RFC2: variants seen among roughly 807,000 people sequenced by gnomAD.
The protein encoded by RFC2 is A1 40 kDa subunit.
RFC2 carries 34 observed loss-of-function variants against 44.8 expected under a neutral mutation model. That is an observed-to-expected ratio of 0.76 (90% CI 0.58 to 1.01). RFC2 has a LOEUF of 1.01. Among genes scored for constraint, RFC2 ranks in the 50% least tolerant of loss-of-function variants. The pLI is 0.00. For missense variants in RFC2, 400 were observed against 453.6 expected, an observed-to-expected ratio of 0.88 and a Z score of 1.07; for synonymous variants, 177 against 168.9, an observed-to-expected ratio of 1.05 and a Z score of -0.37.
At chr7:74,250,708 C>T (rs1340237332) in intron 2 of RFC2, among the ~76,000 whole-genome samples, 1 of 152,172 alleles carries the variant, frequency 6.6e-6, no homozygotes, top group Admixed American at 6.6e-5. Flanking sequence ...ATCAATGGGC[C>T]ATTAAGTGGT....
At chr7:74,236,989 A>C (rs567123426) in intron 9 of RFC2, among the ~76,000 whole-genome samples, 4 of 152,204 alleles carry the variant, frequency 2.6e-5, no homozygotes, top group African/African-American at 7.2e-5. Context: ...TAAATAAACA[A>C]ACACAGTGAT....
intron 10 of RFC2, 66 bp from the exon 11 acceptor site, chr7:74,232,282 G>C (rs1802775243): frequency 3.5e-6 from 3 of 863,238 alleles, no homozygotes; most frequent in Non-Finnish European, 5.7e-6. Flanking sequence ...AATCTGAACT[G>C]AAAAAAATAA....
At chr7:74,246,050 G>C (rs1803583870) in intron 5 of RFC2, among the ~76,000 whole-genome samples, 2 of 151,938 alleles carry the variant, frequency 1.3e-5, no homozygotes, top group Non-Finnish European at 2.9e-5. Context: ...CAAAAAATCA[G>C]CTGGGCGTGG....
At chr7:74,246,255 C>T (rs1554719982) in intron 5 of RFC2, among the ~76,000 whole-genome samples, 2 of 149,738 alleles carry the variant, frequency 1.3e-5, no homozygotes, top group African/African-American at 2.5e-5. Context: ...AAAAATTAGC[C>T]GGGTGTGGCG....
chr7:74,243,077 C>T (rs900699124), intron 6 of RFC2, 69 bp downstream of exon 6: 4 of 1,002,272 alleles, frequency 4.0e-6, no homozygotes, highest in Non-Finnish European at 6.3e-6. Context: ...AGGGAGACCA[C>T]ATCTATAAAA....
intron 7 of RFC2, 82 bp from the exon 8 acceptor site, chr7:74,239,070 C>G (rs1158635524): frequency 1.7e-6 from 2 of 1,156,452 alleles, no homozygotes; most frequent in Admixed American, 1.9e-5. Flanking sequence ...GCTATGTTGC[C>G]CAGGCTGGTC....
At chr7:74,240,800 CT>C (rs1490174074) in intron 6 of RFC2, among the ~76,000 whole-genome samples, 2 of 151,766 alleles carry the variant, frequency 1.3e-5, no homozygotes, top group Non-Finnish European at 2.9e-5. Context: ...CAGTTTCTTT[CT>C]TTTTTTTTCA....
Position 74,248,992 on chromosome 7 carries a change from G to GA in RFC2, c.332+19_332+20insT. The GA allele has an allele frequency of 6.4e-7, 1 of 1,571,528 alleles. No individual in the cohort carries two copies. The highest frequency in any genetic ancestry group is 8.8e-7 in the Non-Finnish European group (1 of 1,142,062). On this transcript the variant is annotated intron_variant, in intron 4 of 10. Transcript: ENST00000055077. Reference sequence around the variant, plus strand: ...AATGCAGAGCACCCGCCCCCCTACAGGTCTGACTCTAAGACCTACCTGTCA... The same window carrying GA: ...AATGCAGAGCACCCGCCCCCCTACAGAGTCTGACTCTAAGACCTACCTGTCA...
In RFC2 at chr7:74,239,006, C is replaced by G. The variant is rs781857375; in HGVS notation, c.694-18G>C. ...TTCAGCGCCTGTTCAGGAGCAAACACATGTCAAGGATGATTTTTATATTTA... is the reference window on the plus strand; with the variant it reads ...TTCAGCGCCTGTTCAGGAGCAAACAGATGTCAAGGATGATTTTTATATTTA... On this transcript the variant is annotated intron_variant, in intron 7 of 10. Coordinates refer to ENST00000055077, the MANE Select transcript of RFC2 (RefSeq NM_181471.3). 1 of 1,602,864 alleles carries G rather than the reference C, an allele frequency of 6.2e-7. No individual in the cohort carries two copies. The highest frequency in any genetic ancestry group is 1.1e-5 in the South Asian group (1 of 90,798).
rs143237832 is a variant in RFC2 at position 74,254,291 on chromosome 7, G to A, written c.93C>T (p.Ala31=). 6.2e-7 allele frequency: 1 copy of A among 1,612,562 alleles called. No homozygotes were observed. Among genetic ancestry groups the A allele is most frequent in the Admixed American group, 1.7e-5 (1 of 59,930 alleles). ...APAFSKAPGS[A]GHYELPWVEK... ...CTCACCACGGCAGTTCGTAGTGGCCGGCGCTGCCGGGGGCCTTGCTGAAGG... is the reference window on the plus strand; with the variant it reads ...CTCACCACGGCAGTTCGTAGTGGCCAGCGCTGCCGGGGGCCTTGCTGAAGG... Residue 31 remains alanine, a synonymous_variant, in exon 1 of 11, where the codon GCC becomes GCT. Coordinates refer to ENST00000055077, the MANE Select transcript of RFC2 (RefSeq NM_181471.3).
chr7:74,239,159 G>A (rs1465147090), intron 7 of RFC2, among the ~76,000 whole-genome samples, 171 bp from the exon 8 acceptor site: 2 of 150,264 alleles, frequency 1.3e-5, no homozygotes, highest in East Asian at 3.9e-4. Context: ...ACCGCACCGG[G>A]CCAAGGGTGA....
chr7:74,252,081 AGAGG>A (rs1786991607), intron 2 of RFC2, among the ~76,000 whole-genome samples: 1 of 124,946 alleles, frequency 8.0e-6, no homozygotes, highest in Non-Finnish European at 1.6e-5. Context: ...CCTGGGCGAC[AGAGG>A]GAGGCTCCAT....
At chr7:74,244,796 T>C (rs1554719735) in intron 5 of RFC2, among the ~76,000 whole-genome samples, 1 of 151,566 alleles carries the variant, frequency 6.6e-6, no homozygotes, top group African/African-American at 2.4e-5. Context: ...AGTGAGATCC[T>C]GCCCCTGTGA....
At position 74,245,692 on chromosome 7, in the gene RFC2, G is replaced by A. The variant is rs191510870; in HGVS notation, c.434+970C>T. On this transcript the variant is annotated intron_variant, in intron 5 of 10. Coordinates refer to ENST00000055077, the MANE Select transcript of RFC2 (RefSeq NM_181471.3). ...TGCGCCACTGCACTCCAGCCTGGGCGACAGAGCAAGACTCCGTCTCACAAA... is the reference window on the plus strand; with the variant it reads ...TGCGCCACTGCACTCCAGCCTGGGCAACAGAGCAAGACTCCGTCTCACAAA... 5.3e-3 allele frequency among the ~76,000 whole-genome samples: 755 copies of A among 141,616 alleles called. 8 individuals are homozygous for A. Among genetic ancestry groups the A allele is most frequent in the African/African-American group, 0.019 (695 of 37,214 alleles). The allele number at this position is 141,616 out of a possible 152,430, so 92.9% of individuals were successfully genotyped here. A position where few individuals can be genotyped will look rare whatever the true frequency, so the allele number is the denominator to read the frequency against.
Position 74,236,873 on chromosome 7 carries a change from C to G in RFC2, c.840+489G>C, listed in dbSNP as rs1020913179. Among the ~76,000 whole-genome samples the G allele has an allele frequency of 3.3e-5, 5 of 152,022 alleles. No homozygotes were observed. The East Asian group carries it at 9.6e-4, about 29-fold the overall frequency. On this transcript the variant is annotated intron_variant, in intron 9 of 10. Transcript: ENST00000055077. ...ACTTGGGAGGCTGAGGTGGGAGGATCGCCTGAGCCTGAGAGGTAGAGGCTA... is the reference window on the plus strand; with the variant it reads ...ACTTGGGAGGCTGAGGTGGGAGGATGGCCTGAGCCTGAGAGGTAGAGGCTA...
chr7:74,250,285 C>T (rs1554720835), intron 2 of RFC2, among the ~76,000 whole-genome samples: 3 of 152,084 alleles, frequency 2.0e-5, no homozygotes, highest in Non-Finnish European at 4.4e-5. Context: ...ATGGAACTCT[C>T]ACCTCAAGTT....
chr7:74,245,806 A>C (rs1803569821), intron 5 of RFC2, among the ~76,000 whole-genome samples: 1 of 151,908 alleles, frequency 6.6e-6, no homozygotes, highest in Non-Finnish European at 1.5e-5. Flanking sequence ...CACACCTATA[A>C]TCCCAGCATT....
At chr7:74,249,883 G>A in intron 2 of RFC2, 103 bp from the exon 3 acceptor site, 1 of 992,604 alleles carries the variant, frequency 1.0e-6, no homozygotes, top group Non-Finnish European at 1.6e-6. Flanking sequence ...ACTCGGCTGA[G>A]CACAATGGCT....
chr7:74,241,080 G>A (rs1225700349), intron 6 of RFC2, among the ~76,000 whole-genome samples: 2 of 152,026 alleles, frequency 1.3e-5, no homozygotes, highest in African/African-American at 2.4e-5. Flanking sequence ...ACAGGCGCAC[G>A]CTATCACACC....
Sources: gnomAD v4.1 joint callset for allele counts (sites outside exome capture counted in the v4.1 genomes callset) on GRCh38, gnomAD v4.1.1 for gene constraint, MANE v1.5 for transcripts, NCBI Gene and HGNC (gene_info 2026-07-23, HGNC 2026-07-21) for gene names.